KDM4B: variants seen among roughly 807,000 people sequenced by gnomAD.
KDM4B encodes lysine-specific demethylase 4B.
In KDM4B, 32 loss-of-function variants were observed where a neutral mutation model predicts 125.2. The observed-to-expected ratio is 0.26, with a 90% CI of 0.19 to 0.34. The LOEUF is 0.34. Ranked by LOEUF, KDM4B falls within the 10% of genes least tolerant of loss-of-function variation. The pLI, the probability that KDM4B is intolerant of heterozygous loss-of-function variation, is 1.00. For synonymous variants in KDM4B, 721 were observed against 677.9 expected (o/e 1.06, Z -0.99); for missense variants, 1,190 against 1,577.7 (o/e 0.75, Z 4.16).
At chr19:5,056,508 C>T (rs540805058) in intron 6 of KDM4B, among the ~76,000 whole-genome samples, 18 of 151,332 alleles carry the variant, frequency 1.2e-4, no homozygotes, top group Admixed American at 3.3e-4. Context: ...CAGGTTCAAG[C>T]GATTCTCCTG....
chr19:5,072,822 G>A (rs1240946403), intron 7 of KDM4B, among the ~76,000 whole-genome samples: 1 of 152,170 alleles, frequency 6.6e-6, no homozygotes, highest in East Asian at 1.9e-4. Context: ...TCCATCTGGA[G>A]GCACCAGGGG....
intron 5 of KDM4B, among the ~76,000 whole-genome samples, chr19:5,046,505 T>A (rs1459990120): frequency 6.6e-6 from 1 of 151,782 alleles, no homozygotes; most frequent in East Asian, 1.9e-4. Flanking sequence ...TGGTGGGGGG[T>A]GGATTCAGGC....
Position 4,969,243 on chromosome 19 carries a change from G to C in KDM4B, c.-109+13G>C, listed in dbSNP as rs1455609165. ...CACGCCGCCTCAGGTGAGCCCACGG[G>C]GAGGCCGCCCGGCCGTGTCCGAGCG... On this transcript the variant is annotated intron_variant, in intron 1 of 22. Coordinates refer to ENST00000159111, the MANE Select transcript of KDM4B (RefSeq NM_015015.3). 3 of 147,922 alleles carry C rather than the reference G, an allele frequency of 2.0e-5. No individual in the cohort carries two copies. Among genetic ancestry groups the C allele is most frequent in the Non-Finnish European group, 3.0e-5 (2 of 66,476 alleles). 9.2% of individuals were successfully genotyped at this position (147,922 alleles called of 1,614,324 possible).
At chr19:5,010,760 G>A (rs2035703651) in intron 1 of KDM4B, among the ~76,000 whole-genome samples, 1 of 152,194 alleles carries the variant, frequency 6.6e-6, no homozygotes, top group African/African-American at 2.4e-5. Flanking sequence ...CAATTCTCCT[G>A]CCTCAGCCTC....
At chr19:4,969,840 C>A (rs917964000) in intron 1 of KDM4B, among the ~76,000 whole-genome samples, 22 of 151,578 alleles carry the variant, frequency 1.5e-4, no homozygotes, top group Non-Finnish European at 2.5e-4. Context: ...AAACTTGCCC[C>A]CCTGTACGTA....
chr19:5,100,369 T>A (rs2038907099), intron 9 of KDM4B, among the ~76,000 whole-genome samples: 5 of 152,250 alleles, frequency 3.3e-5, no homozygotes, highest in Admixed American at 3.3e-4. Context: ...CCACTTTATC[T>A]TCCCCACCTC....
chr19:5,082,192 G>A lies in KDM4B; in HGVS notation c.781-175G>A, dbSNP rs555184062. ...GCTCACTATGTCCTTCATGAGCCGC[G>A]TGGGAAATGGGCTGGAGCCCTGGAG... On this transcript the variant is annotated intron_variant, in intron 8 of 22. Coordinates refer to ENST00000159111, the MANE Select transcript of KDM4B (RefSeq NM_015015.3). This position sits in a 1 kb window ranked among gnomAD's most constrained non-coding sequence, Gnocchi z 5.4. Among the ~76,000 whole-genome samples, 2 of 152,194 alleles carry A rather than the reference G, an allele frequency of 1.3e-5. No individual in the cohort carries two copies. Among genetic ancestry groups the A allele is most frequent in the Admixed American group, 6.5e-5 (1 of 15,288 alleles).
At chr19:5,017,148 G>T (rs1473709686) in intron 2 of KDM4B, among the ~76,000 whole-genome samples, 11 of 152,224 alleles carry the variant, frequency 7.2e-5, no homozygotes. Context: ...TAGCTAATGA[G>T]GGCGAGTGTG....
chr19:4,978,785 G>A (rs1321205573), intron 1 of KDM4B, among the ~76,000 whole-genome samples: 1 of 152,224 alleles, frequency 6.6e-6, no homozygotes, highest in Non-Finnish European at 1.5e-5. Flanking sequence ...TCAGGCCCAG[G>A]CTGGTGCGTG....
rs1271421281 is a variant in KDM4B, at chr19:5,111,350, C to A, written c.1115+532C>A. ...TCAGAAGGCCGGCCCCGGGGCGTGA[C>A]CCTGGATGCCCTCCTCCCACTCAGA... On this transcript the variant is annotated intron_variant, in intron 10 of 22. Transcript: ENST00000159111. 3 of 758,324 alleles carry A rather than the reference C, an allele frequency of 4.0e-6. No individual in the cohort carries two copies. The Admixed American group carries it at 5.1e-5, about 13-fold the overall frequency. The allele number at this position is 758,324 out of a possible 1,614,324, so 47.0% of individuals were successfully genotyped here. A position where few individuals can be genotyped will look rare whatever the true frequency, so the allele number is the denominator to read the frequency against.
intron 6 of KDM4B, among the ~76,000 whole-genome samples, chr19:5,050,016 C>T (rs770955537): frequency 2.0e-5 from 3 of 152,160 alleles, no homozygotes; most frequent in African/African-American, 4.8e-5. Context: ...CTCCCTTCCT[C>T]GGGCCCTTGG....
At chr19:4,969,274 C>T (rs991975171) in intron 1 of KDM4B, 44 bp downstream of exon 1, 1 of 146,738 alleles carries the variant, frequency 6.8e-6, no homozygotes, top group Non-Finnish European at 1.5e-5. Flanking sequence ...GAGCGCGGAC[C>T]CCGCCGCCAT....
At chr19:5,073,749 C>T (rs753428354) in intron 7 of KDM4B, among the ~76,000 whole-genome samples, 2 of 152,030 alleles carry the variant, frequency 1.3e-5, no homozygotes, top group Non-Finnish European at 1.5e-5. Flanking sequence ...GCAGAGGGCT[C>T]AGTGCCTGGG....
intron 11 of KDM4B, among the ~76,000 whole-genome samples, chr19:5,124,615 C>T (rs1438057364): frequency 6.6e-6 from 1 of 152,186 alleles, no homozygotes; most frequent in African/African-American, 2.4e-5. Context: ...CTTTCCTTTC[C>T]TGATGGAGTT....
Position 5,059,938 on chromosome 19 carries a change from C to T in KDM4B, c.627-11072C>T, listed in dbSNP as rs556244256. On this transcript the variant is annotated intron_variant, in intron 6 of 22. Coordinates refer to ENST00000159111, the MANE Select transcript of KDM4B (RefSeq NM_015015.3). ...GCGTGTGGCTCACTCCCACCACGGG[C>T]ACATCAGCCCTGGTGCCCAGCTGGC... is the stretch of plus-strand genomic sequence containing the variant. Among the ~76,000 whole-genome samples the T allele has an allele frequency of 3.3e-5, 5 of 152,378 alleles. No individual in the cohort carries two copies. In the East Asian group the frequency reaches 9.6e-4, roughly 29 times the overall value.
chr19:4,987,165 C>A (rs1408662343), intron 1 of KDM4B, among the ~76,000 whole-genome samples: 1 of 151,976 alleles, frequency 6.6e-6, no homozygotes, highest in Non-Finnish European at 1.5e-5. Context: ...CGCCATGTTG[C>A]CCAGTCTGGT....
At position 5,035,857 on chromosome 19, in the gene KDM4B, G is replaced by T. The variant is rs377650135; in HGVS notation, c.141+2826G>T. ...TGCTGTGGAGGGGCTGTGTGTGCAC[G>T]TGTCTCTGTGTGTGTGTGTGTGTGC... is the stretch of plus-strand genomic sequence containing the variant. On this transcript the variant is annotated intron_variant, in intron 3 of 22. Coordinates refer to ENST00000159111, the MANE Select transcript of KDM4B (RefSeq NM_015015.3). The surrounding 1 kb of genome is among the most constrained non-coding windows in gnomAD (Gnocchi z 5.3). Among the ~76,000 whole-genome samples the T allele has an allele frequency of 1.3e-5, 1 of 75,062 alleles. No homozygotes were observed. Among genetic ancestry groups the T allele is most frequent in the African/African-American group, 3.8e-5 (1 of 26,418 alleles). The allele number at this position is 75,062 out of a possible 152,430, so 49.2% of individuals were successfully genotyped here.
At chr19:5,099,378 A>G (rs1469165679) in intron 9 of KDM4B, among the ~76,000 whole-genome samples, 2 of 152,250 alleles carry the variant, frequency 1.3e-5, no homozygotes, top group Non-Finnish European at 2.9e-5. Flanking sequence ...CAGGGCTTAT[A>G]TACCATAGGG....
rs779645231 is a variant in KDM4B, at chr19:5,114,195, A to T, written c.1115+3377A>T. ...TCCATGCAAACTCTTTCCACGCGAG[A>T]AGCGCCATGTGCACGTGCTCCAGCA... is the stretch of plus-strand genomic sequence containing the variant. On this transcript the variant is annotated intron_variant, in intron 10 of 22. Coordinates refer to ENST00000159111, the MANE Select transcript of KDM4B (RefSeq NM_015015.3). The surrounding 1 kb of genome is among the most constrained non-coding windows in gnomAD (Gnocchi z 5.8). The T allele has an allele frequency of 4.7e-6, 6 of 1,289,716 alleles. No homozygotes were observed. The highest frequency in any genetic ancestry group is 6.1e-6 in the Non-Finnish European group (6 of 988,854). 79.9% of individuals were successfully genotyped at this position (1,289,716 alleles called of 1,614,324 possible). A position where few individuals can be genotyped will look rare whatever the true frequency, so the allele number is the denominator to read the frequency against.
Sources: gnomAD v4.1 joint callset for allele counts (sites outside exome capture counted in the v4.1 genomes callset) on GRCh38, gnomAD v4.1.1 for gene constraint, Gnocchi (gnomAD v3.1) non-coding constraint, MANE v1.5 for transcripts, NCBI Gene and HGNC (gene_info 2026-07-23, HGNC 2026-07-21) for gene names.